ABLIM1: variants seen among roughly 807,000 people sequenced by gnomAD.
The protein encoded by ABLIM1 is actin binding LIM protein 1.
A neutral mutation model predicts 107.0 loss-of-function variants in ABLIM1; 40 were observed. The observed-to-expected ratio is 0.37, with a 90% confidence interval of 0.29 to 0.49. The LOEUF (loss-of-function observed/expected upper bound fraction) is 0.49. ABLIM1 is among the 20% of genes least tolerant of loss of function. The probability of loss-of-function intolerance (pLI) is 0.97; values close to 1 mark genes in which losing one functional copy is unlikely to be tolerated. For synonymous variants in ABLIM1, 357 were observed against 357.3 expected, an observed-to-expected ratio of 1.00 and a Z score of 0.01; for missense variants, 857 against 1,008.5, an observed-to-expected ratio of 0.85 and a Z score of 2.04.
At chr10:114,670,922 A>C (rs532200566) in intron 1 of ABLIM1, among the ~76,000 whole-genome samples, 1 of 152,132 alleles carries the variant, frequency 6.6e-6, no homozygotes, top group East Asian at 1.9e-4. Flanking sequence ...TTAACGTTAA[A>C]TTTTTTATTG....
chr10:114,442,749 C>T (rs948523106), intron 17 of ABLIM1, among the ~76,000 whole-genome samples: 8 of 152,224 alleles, frequency 5.3e-5, no homozygotes, highest in African/African-American at 1.7e-4. Flanking sequence ...GAAAATGCTG[C>T]AGTTGCTAAT....
At chr10:114,645,752 G>C (rs2483527) in intron 1 of ABLIM1, among the ~76,000 whole-genome samples, 3,235 of 152,200 alleles carry the variant, frequency 0.021, 99 homozygotes, top group African/African-American at 0.074. Flanking sequence ...ATGTAAAGGA[G>C]ACAACTTAGA....
At chr10:114,440,960 G>C in intron 19 of ABLIM1, 57 bp downstream of exon 19, 1 of 1,508,950 alleles carries the variant, frequency 6.6e-7, no homozygotes. Flanking sequence ...TGACTCTCAT[G>C]AACCTCAGCC....
intron 10 of ABLIM1, among the ~76,000 whole-genome samples, chr10:114,471,867 A>G (rs910606419): frequency 6.6e-6 from 1 of 152,058 alleles, no homozygotes; most frequent in Non-Finnish European, 1.5e-5. Context: ...ATCTTTGTGG[A>G]CTAAAATCAG....
intron 8 of ABLIM1, among the ~76,000 whole-genome samples, chr10:114,485,625 T>C (rs2058080415): frequency 1.3e-5 from 2 of 152,148 alleles, no homozygotes; most frequent in Admixed American, 1.3e-4. Flanking sequence ...TTCCTCTCCA[T>C]TTATTTTGGC....
At chr10:114,439,352 C>T in intron 20 of ABLIM1, 102 bp from the exon 21 acceptor site, 2 of 1,147,060 alleles carry the variant, frequency 1.7e-6, no homozygotes, top group Non-Finnish European at 2.6e-6. Flanking sequence ...CCAATCCTAA[C>T]CACTATTTTA....
rs559700730 is a variant in ABLIM1, at chr10:114,584,933, G to A, written c.380-9334C>T. Among the ~76,000 whole-genome samples, 17 of 151,920 alleles carry A rather than the reference G, an allele frequency of 1.1e-4. No homozygotes were observed. The South Asian group carries it at 1.7e-3, about 15-fold the overall frequency. ...GTTGTTTAACCTGTTGTAGAACTTCGTGTCCAAACAATATTAATTATAAAC... is the reference window on the plus strand; with the variant it reads ...GTTGTTTAACCTGTTGTAGAACTTCATGTCCAAACAATATTAATTATAAAC... On this transcript the variant is annotated intron_variant, in intron 2 of 22. Coordinates refer to ENST00000533213, the MANE Select transcript of ABLIM1 (RefSeq NM_002313.7).
intron 5 of ABLIM1, among the ~76,000 whole-genome samples, chr10:114,545,607 T>C (rs1438274900): frequency 6.6e-6 from 1 of 152,194 alleles, no homozygotes; most frequent in Non-Finnish European, 1.5e-5. Context: ...ATATTGTTAA[T>C]GTATATAATA....
chr10:114,668,656 TAAGGGGAGGC>T (rs2080125390), intron 1 of ABLIM1, among the ~76,000 whole-genome samples: 1 of 151,936 alleles, frequency 6.6e-6, no homozygotes, highest in Non-Finnish European at 1.5e-5. Flanking sequence ...ACCTTCAATG[TAAGGGGAGGC>T]ATCAAAAAGA....
At chr10:114,596,485 G>T (rs1464315949) in intron 2 of ABLIM1, among the ~76,000 whole-genome samples, 1 of 152,088 alleles carries the variant, frequency 6.6e-6, no homozygotes, top group African/African-American at 2.4e-5. Flanking sequence ...AGGAGTTTGA[G>T]ACCAGCCTGG....
At chr10:114,541,183 G>A (rs1389989957) in intron 6 of ABLIM1, among the ~76,000 whole-genome samples, 1 of 152,090 alleles carries the variant, frequency 6.6e-6, no homozygotes, top group Non-Finnish European at 1.5e-5. Flanking sequence ...CTTCACTAGA[G>A]CCTTCAGAGA....
intron 2 of ABLIM1, among the ~76,000 whole-genome samples, chr10:114,599,169 A>G (rs1342778227): frequency 2.6e-5 from 4 of 152,228 alleles, no homozygotes; most frequent in African/African-American, 9.6e-5. Flanking sequence ...TGACTCATTT[A>G]TTTTAGTAAC....
At position 114,491,817 on chromosome 10, in the gene ABLIM1, G is replaced by A; in HGVS notation, c.956C>T (p.Thr319Ile). Residue 319 changes from threonine to isoleucine, a missense_variant, in exon 7 of 23, where the codon ACA becomes ATA. Thr to Ile is a moderately conservative substitution (Grantham distance 89). This residue lies in a region of ABLIM1 where 381 missense variants were observed against 506.9 expected (regional missense o/e 0.75). Coordinates refer to ENST00000533213, the MANE Select transcript of ABLIM1 (RefSeq NM_002313.7). ...TTGAAGATACATTTCCTCTCCTTCT[G>A]TGAACATCTGGTTGCATCTGCTGCA... ...ARCSRCNQMF[T>I]EGEEMYLQGS... 6.2e-7 allele frequency: 1 copy of A among 1,612,266 alleles called. No individual in the cohort carries two copies. Among genetic ancestry groups the A allele is most frequent in the Non-Finnish European group, 8.5e-7 (1 of 1,178,558 alleles).
In ABLIM1 at chr10:114,571,271, C is replaced by A. The variant is rs3824819; in HGVS notation, c.673+26G>T. ...TACCTCTGGACTACATAGGTATTCA[C>A]GTCAGTGGGTCACCGGGGCACTTAC... On this transcript the variant is annotated intron_variant, in intron 4 of 22. Transcript: ENST00000533213. 6 of 1,607,060 alleles carry A rather than the reference C, an allele frequency of 3.7e-6. No homozygotes were observed. In the South Asian group the frequency reaches 4.4e-5, roughly 12 times the overall value.
intron 1 of ABLIM1, among the ~76,000 whole-genome samples, chr10:114,639,285 G>A (rs1231885185): frequency 6.6e-6 from 1 of 152,180 alleles, no homozygotes; most frequent in Non-Finnish European, 1.5e-5. Context: ...AAGAGACCAT[G>A]CAACCCACAC....
At chr10:114,675,527 G>A (rs2080442829) in intron 1 of ABLIM1, among the ~76,000 whole-genome samples, 2 of 152,184 alleles carry the variant, frequency 1.3e-5, no homozygotes, top group South Asian at 2.1e-4. Context: ...GTGGAAATGT[G>A]AGTCCATTAA....
At chr10:114,493,211 C>G (rs1467388204) in intron 6 of ABLIM1, among the ~76,000 whole-genome samples, 1 of 152,206 alleles carries the variant, frequency 6.6e-6, no homozygotes, top group East Asian at 1.9e-4. Context: ...GAAGACATTA[C>G]TCAGTCCTAA....
chr10:114,721,123 A>T (rs1257487151), intron 1 of ABLIM1, among the ~76,000 whole-genome samples: 1 of 152,092 alleles, frequency 6.6e-6, no homozygotes, highest in East Asian at 1.9e-4. Flanking sequence ...CCACACTATT[A>T]ATAGATTGAG....
intron 8 of ABLIM1, among the ~76,000 whole-genome samples, chr10:114,487,092 C>T (rs957441842): frequency 1.3e-5 from 2 of 152,166 alleles, no homozygotes; most frequent in Admixed American, 6.5e-5. Context: ...GTAAACTGGT[C>T]GTGCTGCTGC....
Sources: gnomAD v4.1 joint callset for allele counts (sites outside exome capture counted in the v4.1 genomes callset) on GRCh38, gnomAD v4.1.1 for gene constraint, gnomAD v4.1.1 regional missense constraint, MANE v1.5 for transcripts, NCBI Gene and HGNC (gene_info 2026-07-23, HGNC 2026-07-21) for gene names.